PPP1R9A: variants seen among roughly 807,000 people sequenced by gnomAD.
PPP1R9A encodes neurabin-1.
Under a neutral mutation model 141.9 loss-of-function variants are expected in PPP1R9A, and 59 were observed. The observed-to-expected ratio is 0.42, with a 90% CI of 0.34 to 0.52. PPP1R9A has a LOEUF of 0.52. Ranked by LOEUF, PPP1R9A falls within the 20% of genes least tolerant of loss-of-function variation. The pLI is 0.10. For synonymous variants in PPP1R9A, 500 were observed against 569.7 expected, an observed-to-expected ratio of 0.88 and a Z score of 1.74; for missense variants, 1,444 against 1,611.9, an observed-to-expected ratio of 0.90 and a Z score of 1.78.
At chr7:95,137,262 A>G (rs1384196005) in intron 4 of PPP1R9A, among the ~76,000 whole-genome samples, 1 of 131,626 alleles carries the variant, frequency 7.6e-6, no homozygotes, top group Non-Finnish European at 1.6e-5. Context: ...AGACTCTGGT[A>G]TGTGATATTC....
At chr7:95,136,777 T>G (rs1825737980) in intron 4 of PPP1R9A, among the ~76,000 whole-genome samples, 1 of 152,218 alleles carries the variant, frequency 6.6e-6, no homozygotes, top group South Asian at 2.1e-4. Flanking sequence ...TAAAATGTCT[T>G]AATAAGATTA....
intron 5 of PPP1R9A, among the ~76,000 whole-genome samples, chr7:95,169,063 A>G (rs566475604): frequency 6.6e-6 from 1 of 152,232 alleles, no homozygotes; most frequent in South Asian, 2.1e-4. Context: ...AAATCAGTAT[A>G]TCAAAGAGAT....
At chr7:95,273,384 G>A (rs950470629) in intron 14 of PPP1R9A, among the ~76,000 whole-genome samples, 1 of 152,190 alleles carries the variant, frequency 6.6e-6, no homozygotes, top group Admixed American at 6.5e-5. Context: ...GCAAAGGAGA[G>A]CCAGAGAAGA....
At chr7:95,268,399 T>C in intron 12 of PPP1R9A, 151 bp from the exon 13 acceptor site, 1 of 710,138 alleles carries the variant, frequency 1.4e-6, no homozygotes, top group South Asian at 2.2e-5. Flanking sequence ...CCCACTGATT[T>C]CTTGGTTATT....
In PPP1R9A at chr7:94,911,379, T is replaced by G; in HGVS notation, c.1266T>G (p.Asp422Glu). 2 of 1,614,036 alleles carry G rather than the reference T, an allele frequency of 1.2e-6. No homozygotes were observed. Among genetic ancestry groups the G allele is most frequent in the Non-Finnish European group, 1.7e-6 (2 of 1,179,958 alleles). ...GGGGAGAGACAGGCACTGAGCAGGA[T>G]GAGGAGGAAGATAGTGATGAGAACA... ...SDWGETGTEQ[D>E]EEEDSDENSY... Residue 422 changes from aspartate to glutamate, a missense_variant, in exon 2 of 20, where the codon GAT becomes GAG. Physicochemically the swap from Asp to Glu is conservative, Grantham distance 45 (BLOSUM62 2). Coordinates refer to ENST00000433360, the MANE Select transcript of PPP1R9A (RefSeq NM_001166160.2).
At chr7:95,170,651 T>A (rs1831964948) in intron 5 of PPP1R9A, among the ~76,000 whole-genome samples, 2 of 151,430 alleles carry the variant, frequency 1.3e-5, no homozygotes, top group South Asian at 2.1e-4. Flanking sequence ...AAATTGAAGA[T>A]GAAATGAAGA....
intron 4 of PPP1R9A, among the ~76,000 whole-genome samples, chr7:95,136,634 C>G (rs1054212366): frequency 6.6e-6 from 1 of 152,070 alleles, no homozygotes; most frequent in Non-Finnish European, 1.5e-5. Flanking sequence ...TGATGGAGAA[C>G]TCAGCAGGAT....
chr7:94,942,594 G>A (rs1795449833), intron 2 of PPP1R9A, among the ~76,000 whole-genome samples: 1 of 152,034 alleles, frequency 6.6e-6, no homozygotes, highest in Non-Finnish European at 1.5e-5. Context: ...CCTGAAGTCA[G>A]GAGTTCGAGG....
intron 5 of PPP1R9A, among the ~76,000 whole-genome samples, chr7:95,170,440 T>C (rs531412677): frequency 6.6e-6 from 1 of 151,706 alleles, no homozygotes; most frequent in East Asian, 1.9e-4. Context: ...AGAGACATCA[T>C]AATCAAAATA....
intron 7 of PPP1R9A, among the ~76,000 whole-genome samples, chr7:95,205,597 A>T (rs1307486696): frequency 6.6e-6 from 1 of 152,248 alleles, no homozygotes; most frequent in Non-Finnish European, 1.5e-5. Context: ...CCCAGGGGCC[A>T]TCGGGATCCC....
chr7:95,268,536 T>C lies in PPP1R9A; in HGVS notation c.2666-14T>C, dbSNP rs1360163922. The stretch of plus-strand genomic sequence containing the variant: ...CAAAGGTTTCTCTCACTGATTATCT[T>C]TCAATATTCTTAGACTTGAATGAAG... On this transcript the variant is annotated splice_polypyrimidine_tract_variant and intron_variant, in intron 12 of 19. Transcript: ENST00000433360. The C allele has an allele frequency of 1.2e-6, 2 of 1,612,324 alleles. No homozygotes were observed. Among genetic ancestry groups the C allele is most frequent in the Admixed American group, 3.3e-5 (2 of 59,846 alleles).
chr7:95,247,760 T>C (rs1385753014), intron 9 of PPP1R9A, among the ~76,000 whole-genome samples: 11 of 152,186 alleles, frequency 7.2e-5, no homozygotes, highest in African/African-American at 2.4e-4. Flanking sequence ...TATTTGCACA[T>C]ATGTGGCCTC....
intron 2 of PPP1R9A, among the ~76,000 whole-genome samples, chr7:95,009,987 C>G (rs1212539416): frequency 6.6e-6 from 1 of 152,094 alleles, no homozygotes; most frequent in African/African-American, 2.4e-5. Context: ...TATTAAGAGC[C>G]TTTCCATGCT....
intron 2 of PPP1R9A, among the ~76,000 whole-genome samples, chr7:94,952,880 G>A (rs1341170658): frequency 6.6e-6 from 1 of 151,850 alleles, no homozygotes. Context: ...TGGATAGATT[G>A]CAAAAATTTT....
chr7:95,150,784 A>C lies in PPP1R9A; in HGVS notation c.1650-11083A>C, dbSNP rs79629638. 8.1e-3 allele frequency among the ~76,000 whole-genome samples: 1,199 copies of C among 148,308 alleles called. 16 individuals are homozygous for C. The highest frequency in any genetic ancestry group is 0.027 in the African/African-American group (1,127 of 41,302). ...TAAAACTAATAAAGGACTGTTATTT[A>C]AAGTATACGAAAAGCTCTTAAAACC... On this transcript the variant is annotated intron_variant, in intron 4 of 19. Coordinates refer to ENST00000433360, the MANE Select transcript of PPP1R9A (RefSeq NM_001166160.2).
intron 4 of PPP1R9A, among the ~76,000 whole-genome samples, chr7:95,129,638 G>A (rs755701216): frequency 7.2e-5 from 11 of 152,190 alleles, no homozygotes; most frequent in Non-Finnish European, 1.5e-4. Flanking sequence ...ACAGGAAAAT[G>A]TGGGAAAATT....
At chr7:95,202,633 G>C (rs1237279440) in intron 6 of PPP1R9A, 1 of 897,476 alleles carries the variant, frequency 1.1e-6, no homozygotes, top group East Asian at 1.2e-4. Flanking sequence ...ACACTCGGGG[G>C]GTATGATAAA....
At chr7:94,912,084 A>G (rs1791517282) in intron 2 of PPP1R9A, among the ~76,000 whole-genome samples, 1 of 152,242 alleles carries the variant, frequency 6.6e-6, no homozygotes, top group Non-Finnish European at 1.5e-5. Flanking sequence ...GCTGACTTAA[A>G]TACTTTGAAA....
At chr7:95,266,718 A>C (rs1037494791) in intron 12 of PPP1R9A, among the ~76,000 whole-genome samples, 2 of 152,152 alleles carry the variant, frequency 1.3e-5, no homozygotes, top group African/African-American at 2.4e-5. Flanking sequence ...ATACAATCCA[A>C]ATATGAGCTA....
Sources: gnomAD v4.1 joint callset for allele counts (sites outside exome capture counted in the v4.1 genomes callset) on GRCh38, gnomAD v4.1.1 for gene constraint, MANE v1.5 for transcripts, NCBI Gene and HGNC (gene_info 2026-07-23, HGNC 2026-07-21) for gene names.